CENPW: variants seen among roughly 807,000 people sequenced by gnomAD.
The protein encoded by CENPW is cancer-up-regulated gene 2 protein.
In CENPW, 3 loss-of-function variants were observed where a neutral mutation model predicts 11.1. That is an observed-to-expected ratio of 0.27 (90% CI 0.12 to 0.70). CENPW has a LOEUF of 0.70. Among genes scored for constraint, CENPW ranks in the 30% least tolerant of loss-of-function variants. CENPW has a pLI of 0.77. For synonymous variants in CENPW, 38 were observed against 42.0 expected (o/e 0.91, Z 0.37); for missense variants, 100 against 105.6 (o/e 0.95, Z 0.23).
the CENPW span, among the ~76,000 whole-genome samples, chr6:126,426,194 A>C: frequency 2.0e-5 from 3 of 152,312 alleles, no homozygotes; most frequent in Admixed American, 6.5e-5. Context: ...TCATAGTTAG[A>C]TGTTAGCTCT....
chr6:126,458,160 T>C, the CENPW span, among the ~76,000 whole-genome samples: 1 of 151,370 alleles, frequency 6.6e-6, no homozygotes, highest in Non-Finnish European at 1.5e-5. Flanking sequence ...TCTTCTGGCA[T>C]AACTGAACTC....
the CENPW span, among the ~76,000 whole-genome samples, chr6:126,397,570 T>TTG: frequency 2.0e-5 from 3 of 152,134 alleles, no homozygotes; most frequent in Non-Finnish European, 1.5e-5. Flanking sequence ...GTGATTTTTT[T>TTG]TGTGTGTGTG....
intron 1 of CENPW, among the ~76,000 whole-genome samples, chr6:126,343,863 C>G (rs920605047): frequency 1.6e-4 from 25 of 152,174 alleles, no homozygotes; most frequent in Non-Finnish European, 3.4e-4. Context: ...GCAGCACCAC[C>G]TACACACACA....
the CENPW span, among the ~76,000 whole-genome samples, chr6:126,443,671 T>A: frequency 6.6e-6 from 1 of 151,292 alleles, no homozygotes. Flanking sequence ...AATTGTGCTA[T>A]ATGAACATTA....
the CENPW span, among the ~76,000 whole-genome samples, chr6:126,362,617 C>T: frequency 2.0e-5 from 3 of 152,164 alleles, no homozygotes; most frequent in Non-Finnish European, 4.4e-5. Context: ...GCTATCTTGT[C>T]CCCCACCTTG....
downstream of CENPW, among the ~76,000 whole-genome samples, chr6:126,349,144 G>A (rs555547430): frequency 1.9e-4 from 29 of 152,012 alleles, no homozygotes; most frequent in South Asian, 6.0e-3. Flanking sequence ...AGTTTATTAT[G>A]TATCATCAAA....
the CENPW span, among the ~76,000 whole-genome samples, chr6:126,455,919 A>T: frequency 6.6e-6 from 1 of 151,302 alleles, no homozygotes; most frequent in African/African-American, 2.4e-5. Flanking sequence ...GCATTTCTAT[A>T]TGCCTACAGT....
chr6:126,434,182 T>C, the CENPW span, among the ~76,000 whole-genome samples: 1 of 152,094 alleles, frequency 6.6e-6, no homozygotes, highest in Non-Finnish European at 1.5e-5. Context: ...TCAAGAGTTA[T>C]GGTAGTGCTA....
At chr6:126,415,017 A>G in the CENPW span, among the ~76,000 whole-genome samples, 4 of 152,164 alleles carry the variant, frequency 2.6e-5, no homozygotes, top group African/African-American at 7.2e-5. Flanking sequence ...CCCTGGATAT[A>G]TACAACCTAA....
chr6:126,398,846 T>C, the CENPW span, among the ~76,000 whole-genome samples: 1 of 151,546 alleles, frequency 6.6e-6, no homozygotes, highest in East Asian at 1.9e-4. Flanking sequence ...CCAATGTCTA[T>C]TGTCCCCATC....
At chr6:126,465,441 C>A in the CENPW span, among the ~76,000 whole-genome samples, 1 of 151,990 alleles carries the variant, frequency 6.6e-6, no homozygotes, top group Non-Finnish European at 1.5e-5. Flanking sequence ...ATTGAAATTT[C>A]CAGTCTGCCT....
At position 126,346,299 on chromosome 6, in the gene CENPW, A is replaced by G. The variant is rs573976282; in HGVS notation, c.221A>G (p.His74Arg). 4.4e-6 allele frequency: 7 copies of G among 1,600,706 alleles called. No homozygotes were observed. In the African/African-American group the frequency reaches 9.3e-5, roughly 21 times the overall value. Residue 74 changes from histidine to arginine, a missense_variant, in exon 2 of 3, where the codon CAT becomes CGT. Transcript: ENST00000368328. Reference protein sequence around the residue: ...ASKCRVINKEHVLAAAKVILK... With the variant: ...ASKCRVINKERVLAAAKVILK... ...AAATGTAGAGTCATTAACAAGGAGC[A>G]TGTACTGGCCGCAGCAAAGGTAAAA...
chr6:126,380,446 A>T, the CENPW span, among the ~76,000 whole-genome samples: 1 of 152,160 alleles, frequency 6.6e-6, no homozygotes, highest in Non-Finnish European at 1.5e-5. Flanking sequence ...AGTAATGAGC[A>T]ATGGCTCTGC....
At chr6:126,463,705 G>T in the CENPW span, among the ~76,000 whole-genome samples, 1 of 151,904 alleles carries the variant, frequency 6.6e-6, no homozygotes, top group Non-Finnish European at 1.5e-5. Flanking sequence ...TCAATAAAAT[G>T]GATGCCTGTG....
the CENPW span, among the ~76,000 whole-genome samples, chr6:126,421,713 CTATT>C: frequency 6.6e-6 from 1 of 151,662 alleles, no homozygotes; most frequent in African/African-American, 2.4e-5. Context: ...GTAAATCTGT[CTATT>C]AAGTTGGCAT....
chr6:126,465,337 A>T, the CENPW span, among the ~76,000 whole-genome samples: 1 of 152,100 alleles, frequency 6.6e-6, no homozygotes, highest in Admixed American at 6.6e-5. Flanking sequence ...AATCACCTGT[A>T]CCTTTGAAAC....
the CENPW span, among the ~76,000 whole-genome samples, chr6:126,442,712 G>A: frequency 2.0e-5 from 3 of 151,198 alleles, no homozygotes; most frequent in Non-Finnish European, 4.4e-5. Flanking sequence ...GATGAATAAA[G>A]AAAGTGGGTT....
chr6:126,350,589 T>C (rs1780480554), downstream of CENPW, among the ~76,000 whole-genome samples: 1 of 152,160 alleles, frequency 6.6e-6, no homozygotes, highest in South Asian at 2.1e-4. Flanking sequence ...TAGTCCATAA[T>C]AGCTGATGAT....
At chr6:126,427,428 A>G in the CENPW span, among the ~76,000 whole-genome samples, 1 of 152,172 alleles carries the variant, frequency 6.6e-6, no homozygotes, top group East Asian at 1.9e-4. Flanking sequence ...TGTGAATTTT[A>G]CATTTCCTAA....
Sources: allele counts gnomAD v4.1 joint callset (sites outside exome capture counted in the v4.1 genomes callset), GRCh38; gene constraint gnomAD v4.1.1; transcripts MANE v1.5; gene names NCBI Gene and HGNC (gene_info 2026-07-23, HGNC 2026-07-21).